ATP6V1G3: variants seen among roughly 807,000 people sequenced by gnomAD.
The protein encoded by ATP6V1G3 is ATPase H+ transporting V1 subunit G3, also known as V-type proton ATPase subunit G 3.
In ATP6V1G3, 9 loss-of-function variants were observed where a neutral mutation model predicts 9.3. The observed-to-expected ratio is 0.97, with a 90% CI of 0.59 to 1.69. The LOEUF is 1.69. ATP6V1G3 is among the 40% of genes most tolerant of loss of function. The pLI, the probability that ATP6V1G3 is intolerant of heterozygous loss-of-function variation, is 0.00. For missense variants in ATP6V1G3, 133 were observed against 139.0 expected (o/e 0.96, Z 0.22); for synonymous variants, 43 against 43.8 (o/e 0.98, Z 0.07).
chr1:198,530,577 T>C (rs947927828), intron 1 of ATP6V1G3, among the ~76,000 whole-genome samples: 1 of 152,194 alleles, frequency 6.6e-6, no homozygotes, highest in African/African-American at 2.4e-5. Context: ...AAATCTGAGA[T>C]CTGCTGAAAA....
At chr1:198,524,308 AGAGACCGG>A (rs1228639617) in intron 2 of ATP6V1G3, among the ~76,000 whole-genome samples, 1 of 151,942 alleles carries the variant, frequency 6.6e-6, no homozygotes, top group Non-Finnish European at 1.5e-5. Context: ...TATTTTTAGT[AGAGACCGG>A]GTTTCACTTT....
chr1:198,532,806 G>A (rs1659956337), intron 1 of ATP6V1G3, among the ~76,000 whole-genome samples: 1 of 152,188 alleles, frequency 6.6e-6, no homozygotes, highest in Admixed American at 6.6e-5. Context: ...TATTTGCCAT[G>A]CTGAAGGAAG....
At chr1:198,538,231 A>G (rs1228964652) in intron 1 of ATP6V1G3, among the ~76,000 whole-genome samples, 1 of 152,222 alleles carries the variant, frequency 6.6e-6, no homozygotes, top group African/African-American at 2.4e-5. Context: ...AAATGAAATG[A>G]ACATTTTTGT....
At chr1:198,533,744 T>C (rs958236508) in intron 1 of ATP6V1G3, among the ~76,000 whole-genome samples, 1 of 152,174 alleles carries the variant, frequency 6.6e-6, no homozygotes, top group Admixed American at 6.5e-5. Flanking sequence ...AAGTATCTGC[T>C]GATAACCAAG....
In ATP6V1G3 at chr1:198,523,320, A is replaced by C; in HGVS notation, c.*71T>G. 6.9e-7 allele frequency: 1 copy of C among 1,446,490 alleles called. No individual in the cohort carries two copies. The highest frequency in any genetic ancestry group is 9.4e-7 in the Non-Finnish European group (1 of 1,066,180). 89.6% of individuals were successfully genotyped at this position (1,446,490 alleles called of 1,614,324 possible). A position where few individuals can be genotyped will look rare whatever the true frequency, so the allele number is the denominator to read the frequency against. ...TTCTCATTTCAAATTTCTCAACATA[A>C]AAATACGAAGCCATAAGCAACCAGG... is the stretch of plus-strand genomic sequence containing the variant. On this transcript the variant is annotated 3_prime_UTR_variant, in exon 3 of 3. Transcript: ENST00000367382.
chr1:198,540,592 T>A lies in ATP6V1G3; in HGVS notation c.59A>T (p.Asp20Val). 6.2e-7 allele frequency: 1 copy of A among 1,614,076 alleles called. No individual in the cohort carries two copies. The highest frequency in any genetic ancestry group is 1.1e-5 in the South Asian group (1 of 91,080). ...ACTCTTCTTGGCTTCCTCTAGCTTG[T>A]CCTTGGCCCGTTTTTCTGCCTGAAG... The part of the protein sequence containing the change: ...QLLQAEKRAK[D>V]KLEEAKKRKG... Residue 20 changes from aspartate to valine, a missense_variant, in exon 1 of 3, where the codon GAC (aspartate) becomes GTC (valine). Transcript: ENST00000367382.
intron 1 of ATP6V1G3, among the ~76,000 whole-genome samples, chr1:198,531,519 G>T (rs73077377): frequency 6.6e-6 from 1 of 152,120 alleles, no homozygotes; most frequent in African/African-American, 2.4e-5. Context: ...TCAATTTTGG[G>T]CAGGTTAAAA....
At chr1:198,534,541 G>A (rs769413182) in intron 1 of ATP6V1G3, among the ~76,000 whole-genome samples, 3 of 152,104 alleles carry the variant, frequency 2.0e-5, no homozygotes, top group East Asian at 1.9e-4. Context: ...TTGTTACAGC[G>A]TCTCTAGGAA....
Position 198,537,299 on chromosome 1 carries a change from T to C in ATP6V1G3, c.82+3270A>G, listed in dbSNP as rs1017847524. 2.0e-5 allele frequency among the ~76,000 whole-genome samples: 3 copies of C among 152,206 alleles called. No homozygotes were observed. The South Asian group carries it at 6.2e-4, about 31-fold the overall frequency. ...TGAGGCTGTTCTCCTTAATGGAATATATTAATATTTTTTCAGCATAATATA... is the reference window on the plus strand; with the variant it reads ...TGAGGCTGTTCTCCTTAATGGAATACATTAATATTTTTTCAGCATAATATA... On this transcript the variant is annotated intron_variant, in intron 1 of 2. Coordinates refer to ENST00000367382, the MANE Select transcript of ATP6V1G3 (RefSeq NM_001376861.1).
At chr1:198,533,209 C>T (rs189699231) in intron 1 of ATP6V1G3, among the ~76,000 whole-genome samples, 55 of 151,156 alleles carry the variant, frequency 3.6e-4, no homozygotes, top group African/African-American at 1.1e-3. Context: ...GAGGCTGAGG[C>T]AGGAGAATCG....
At chr1:198,534,789 A>T (rs1469686565) in intron 1 of ATP6V1G3, among the ~76,000 whole-genome samples, 1 of 152,228 alleles carries the variant, frequency 6.6e-6, no homozygotes, top group Non-Finnish European at 1.5e-5. Flanking sequence ...TCTACCACTC[A>T]GAAAACAAAG....
In ATP6V1G3 at chr1:198,534,003, A is replaced by C. The variant is rs1028880722; in HGVS notation, c.83-4822T>G. Among the ~76,000 whole-genome samples the C allele has an allele frequency of 4.6e-5, 7 of 152,322 alleles. No individual in the cohort carries two copies. In the East Asian group the frequency reaches 9.6e-4, roughly 21 times the overall value. ...GAATGAAACATTGTAGACACAGGGA[A>C]CATAGGCAACTTCTCTGAGAAGTTT... is the stretch of plus-strand genomic sequence containing the variant. On this transcript the variant is annotated intron_variant, in intron 1 of 2. Transcript: ENST00000367382.
intron 1 of ATP6V1G3, among the ~76,000 whole-genome samples, chr1:198,534,990 T>A (rs1485261412): frequency 1.3e-5 from 2 of 152,316 alleles, no homozygotes; most frequent in Admixed American, 1.3e-4. Flanking sequence ...TACACTAAAT[T>A]TATTTCCTGT....
chr1:198,534,957 A>C (rs1660047786), intron 1 of ATP6V1G3, among the ~76,000 whole-genome samples: 1 of 152,168 alleles, frequency 6.6e-6, no homozygotes, highest in South Asian at 2.1e-4. Context: ...TCCTTTGGTG[A>C]CTGTCACTGC....
intron 1 of ATP6V1G3, among the ~76,000 whole-genome samples, chr1:198,532,667 G>A (rs1197364473): frequency 6.6e-6 from 1 of 152,168 alleles, no homozygotes; most frequent in Non-Finnish European, 1.5e-5. Context: ...GAAACAATAT[G>A]TGAACAGAGG....
At chr1:198,524,699 A>T (rs1345737095) in intron 2 of ATP6V1G3, among the ~76,000 whole-genome samples, 1 of 152,220 alleles carries the variant, frequency 6.6e-6, no homozygotes, top group Non-Finnish European at 1.5e-5. Flanking sequence ...AAACACTTTG[A>T]AAGTTAGCCT....
upstream of ATP6V1G3, chr1:198,540,786 T>C: frequency 1.1e-6 from 1 of 916,240 alleles, no homozygotes; most frequent in Non-Finnish European, 1.7e-6. Context: ...AAACTGGCTT[T>C]ATTGGGCTGG....
intron 1 of ATP6V1G3, among the ~76,000 whole-genome samples, chr1:198,534,456 C>G (rs1309451097): frequency 6.6e-6 from 1 of 152,048 alleles, no homozygotes; most frequent in Non-Finnish European, 1.5e-5. Context: ...CTGCTGGCAC[C>G]TTCTGTTTGG....
chr1:198,530,589 T>G (rs1236288762), intron 1 of ATP6V1G3, among the ~76,000 whole-genome samples: 1 of 152,198 alleles, frequency 6.6e-6, no homozygotes, highest in Non-Finnish European at 1.5e-5. Flanking sequence ...TGCTGAAAAC[T>G]ACTGCTCTTC....
Sources: gnomAD v4.1 joint callset for allele counts (sites outside exome capture counted in the v4.1 genomes callset) on GRCh38, gnomAD v4.1.1 for gene constraint, MANE v1.5 for transcripts, NCBI Gene and HGNC (gene_info 2026-07-23, HGNC 2026-07-21) for gene names.